The following POU2AF1 variants were observed in gnomAD, a reference collection of about 807,000 sequenced individuals.
POU2AF1 encodes POU class 2 homeobox associating factor 1.
POU2AF1 carries 12 observed loss-of-function variants against 26.3 expected under a neutral mutation model. That is an observed-to-expected ratio of 0.46 (90% confidence interval 0.29 to 0.74). POU2AF1 has a LOEUF of 0.74. POU2AF1 is among the 30% of genes least tolerant of loss of function. The pLI is 0.09. For synonymous variants in POU2AF1, 175 were observed against 148.0 expected (o/e 1.18, Z -1.32); for missense variants, 297 against 334.5 (o/e 0.89, Z 0.87).
intron 1 of POU2AF1, among the ~76,000 whole-genome samples, chr11:111,367,575 C>G (rs1194335553): frequency 6.6e-6 from 1 of 151,842 alleles, no homozygotes; most frequent in Non-Finnish European, 1.5e-5. Flanking sequence ...TGCCTTGTCT[C>G]TGCCCGAGCA....
intron 1 of POU2AF1, among the ~76,000 whole-genome samples, chr11:111,372,586 A>T (rs1861234484): frequency 6.6e-6 from 1 of 152,194 alleles, no homozygotes; most frequent in Non-Finnish European, 1.5e-5. Flanking sequence ...TACTAACTTA[A>T]TCTTCATGAT....
At position 111,354,551 on chromosome 11, in the gene POU2AF1, C is replaced by T. The variant is rs748322186; in HGVS notation, c.481G>A (p.Val161Met). ...TCTGGGCCCTCCAGCGGGGGCCCCA[C>T]TGCGGGCGTGGCGGAGCTTCTTGTC... Reference protein sequence around the residue: ...VTTRSSATPAVGPPLEGPEHQ... With the variant: ...VTTRSSATPAMGPPLEGPEHQ... The change falls in exon 5 of 5, where the codon GTG becomes ATG. Residue 161 changes from valine to methionine, a missense_variant. Coordinates refer to ENST00000393067, the MANE Select transcript of POU2AF1 (RefSeq NM_006235.3). 1 of 1,540,528 alleles carries T rather than the reference C, an allele frequency of 6.5e-7. No homozygotes were observed. The highest frequency in any genetic ancestry group is 1.3e-5 in the South Asian group (1 of 78,782).
intron 1 of POU2AF1, 103 bp downstream of exon 1, chr11:111,379,059 C>A: frequency 7.1e-7 from 1 of 1,409,518 alleles, no homozygotes. Flanking sequence ...CCCCCCGTGG[C>A]CCCATCACCT....
At chr11:111,368,510 T>G (rs1232799125) in intron 1 of POU2AF1, among the ~76,000 whole-genome samples, 11 of 152,118 alleles carry the variant, frequency 7.2e-5, no homozygotes, top group Admixed American at 7.2e-4. Flanking sequence ...GCTTCCATAC[T>G]GAGTCTCGAG....
chr11:111,378,933 T>G (rs1276510556), intron 1 of POU2AF1, among the ~76,000 whole-genome samples: 1 of 152,172 alleles, frequency 6.6e-6, no homozygotes, highest in Non-Finnish European at 1.5e-5. Flanking sequence ...GAACACTAGT[T>G]CGTTCCCCTC....
chr11:111,358,810 C>A lies in POU2AF1; in HGVS notation c.125G>T (p.Gly42Val). ...LRRKRGHASSGAAPAPTAVVL... is the reference protein window; with the variant it reads ...LRRKRGHASSVAAPAPTAVVL... ...CACCGCCGTAGGTGCAGGTGCTGCC[C>A]CACTGCTGGCGTGGCCTCGCTTCCT... Residue 42 changes from glycine (G) to valine (V), a missense_variant, in exon 2 of 5, where the codon GGG becomes GTG. By Grantham distance (109) the Gly-to-Val change is moderately radical. Coordinates refer to ENST00000393067, the MANE Select transcript of POU2AF1 (RefSeq NM_006235.3). 1 of 1,603,286 alleles carries A rather than the reference C, an allele frequency of 6.2e-7. No individual in the cohort carries two copies. The highest frequency in any genetic ancestry group is 8.5e-7 in the Non-Finnish European group (1 of 1,177,996).
intron 1 of POU2AF1, among the ~76,000 whole-genome samples, chr11:111,368,360 G>A (rs539664826): frequency 3.3e-5 from 5 of 152,234 alleles, no homozygotes; most frequent in Non-Finnish European, 5.9e-5. Context: ...CCTTGTCCCA[G>A]ACACTCTAAG....
intron 1 of POU2AF1, among the ~76,000 whole-genome samples, chr11:111,373,460 A>G (rs912396063): frequency 1.3e-5 from 2 of 152,260 alleles, no homozygotes; most frequent in Non-Finnish European, 2.9e-5. Context: ...TCCAGTGTGT[A>G]GCCAAGGTAT....
chr11:111,366,346 G>A, intron 1 of POU2AF1, among the ~76,000 whole-genome samples: 1 of 152,224 alleles, frequency 6.6e-6, no homozygotes, highest in East Asian at 1.9e-4. Flanking sequence ...AAAGACAGCA[G>A]GGGGAGAAAA....
intron 1 of POU2AF1, chr11:111,359,241 T>TCTAC (rs1425934068): frequency 4.7e-5 from 18 of 386,014 alleles, no homozygotes; most frequent in African/African-American, 3.7e-4. Context: ...AAGGTCTGTC[T>TCTAC]GTGTTCTCTA....
intron 1 of POU2AF1, among the ~76,000 whole-genome samples, chr11:111,378,699 A>G (rs1023413773): frequency 6.6e-6 from 1 of 152,150 alleles, no homozygotes; most frequent in Non-Finnish European, 1.5e-5. Context: ...CCTGGCAGAA[A>G]GCTAAGTCAC....
At position 111,357,721 on chromosome 11, in the gene POU2AF1, A is replaced by G. The variant is rs1860877833; in HGVS notation, c.191-11T>C. 1 of 1,611,896 alleles carries G rather than the reference A, an allele frequency of 6.2e-7. No homozygotes were observed. Among genetic ancestry groups the G allele is most frequent in the Non-Finnish European group, 8.5e-7 (1 of 1,179,076 alleles). Reference sequence around the variant, plus strand: ...CCAGGCAGGAAGGACCTGTGGGAAGAAGGAAATTACAGAACTTCAGATGCC... The same window carrying G: ...CCAGGCAGGAAGGACCTGTGGGAAGGAGGAAATTACAGAACTTCAGATGCC... On this transcript the variant is annotated splice_polypyrimidine_tract_variant and intron_variant, in intron 3 of 4. Transcript: ENST00000393067.
intron 1 of POU2AF1, among the ~76,000 whole-genome samples, chr11:111,378,527 A>G (rs1861354624): frequency 6.6e-6 from 1 of 152,212 alleles, no homozygotes; most frequent in African/African-American, 2.4e-5. Flanking sequence ...ATAAAAATCA[A>G]GGCCAAAGAT....
chr11:111,363,044 G>T, intron 1 of POU2AF1: 1 of 790,198 alleles, frequency 1.3e-6, no homozygotes, highest in Non-Finnish European at 1.5e-6. Context: ...CTAAGTCGAT[G>T]AACAAAGAGC....
chr11:111,368,743 A>G (rs945701685), intron 1 of POU2AF1, among the ~76,000 whole-genome samples: 1 of 152,256 alleles, frequency 6.6e-6, no homozygotes, highest in Non-Finnish European at 1.5e-5. Context: ...CACCTGTGTG[A>G]CTCTTGGCAA....
intron 1 of POU2AF1, among the ~76,000 whole-genome samples, chr11:111,361,038 G>A (rs767590197): frequency 6.6e-5 from 10 of 151,824 alleles, no homozygotes; most frequent in Non-Finnish European, 1.2e-4. Context: ...AGAATCTCCC[G>A]ATAACATCCC....
intron 1 of POU2AF1, chr11:111,359,172 A>G: frequency 1.7e-6 from 1 of 598,288 alleles, no homozygotes; most frequent in Non-Finnish European, 2.9e-6. Context: ...ATGAGATCCG[A>G]ACCCATTTTT....
At chr11:111,377,996 C>T (rs529663483) in intron 1 of POU2AF1, 1 of 167,198 alleles carries the variant, frequency 6.0e-6, no homozygotes, top group African/African-American at 2.4e-5. Flanking sequence ...AATGGTGGGT[C>T]TTCACAACCT....
chr11:111,379,184 T>C lies in POU2AF1; in HGVS notation c.-7A>G, dbSNP rs771276175. On this transcript the variant is annotated 5_prime_UTR_variant, in exon 1 of 5. Coordinates refer to ENST00000393067, the MANE Select transcript of POU2AF1 (RefSeq NM_006235.3). The stretch of plus-strand genomic sequence containing the variant: ...TACGTTTTTGCCAGAGCATGGCCTG[T>C]GACAGGATGTTGCCTTTTCTCTTTG... The C allele has an allele frequency of 2.5e-6, 4 of 1,614,024 alleles. No individual in the cohort carries two copies. Among genetic ancestry groups the C allele is most frequent in the Non-Finnish European group, 2.5e-6 (3 of 1,179,990 alleles).
Sources: allele counts gnomAD v4.1 joint callset (sites outside exome capture counted in the v4.1 genomes callset), GRCh38; gene constraint gnomAD v4.1.1; transcripts MANE v1.5; gene names NCBI Gene and HGNC (gene_info 2026-07-23, HGNC 2026-07-21).